Variants in RNF150 observed in about 807,000 individuals in gnomAD.
RNF150 encodes the protein ring finger protein 150.
A neutral mutation model predicts 39.3 loss-of-function variants in RNF150; 24 were observed. The ratio of observed to expected loss-of-function variants is 0.61; its 90% CI spans 0.44 to 0.86. RNF150 has a LOEUF of 0.86. Ranked by LOEUF, RNF150 falls within the 40% of genes least tolerant of loss-of-function variation. The pLI, the probability that RNF150 is intolerant of heterozygous loss-of-function variation, is 0.00. For synonymous variants in RNF150, 255 were observed against 227.3 expected, an observed-to-expected ratio of 1.12 and a Z score of -1.10; for missense variants, 502 against 587.8, an observed-to-expected ratio of 0.85 and a Z score of 1.51.
chr4:141,194,617 G>T (rs1286662643), intron 1 of RNF150, among the ~76,000 whole-genome samples: 1 of 152,106 alleles, frequency 6.6e-6, no homozygotes, highest in Non-Finnish European at 1.5e-5. Flanking sequence ...GTAGGGATGG[G>T]CTGTTATCCA....
intron 1 of RNF150, among the ~76,000 whole-genome samples, chr4:141,112,008 A>T (rs919277650): frequency 6.6e-6 from 1 of 152,194 alleles, no homozygotes; most frequent in African/African-American, 2.4e-5. Flanking sequence ...TTAGTGGCAT[A>T]AAAATTTGCA....
chr4:140,919,323 G>C (rs889072261), intron 5 of RNF150, among the ~76,000 whole-genome samples: 4 of 142,816 alleles, frequency 2.8e-5, no homozygotes, highest in African/African-American at 1.0e-4. Context: ...AAGCTGATAA[G>C]CAACTTCAGC....
intron 1 of RNF150, among the ~76,000 whole-genome samples, chr4:141,031,776 G>C (rs927566042): frequency 6.6e-6 from 1 of 152,190 alleles, no homozygotes; most frequent in African/African-American, 2.4e-5. Flanking sequence ...TGGAGAAAGG[G>C]AGAACCCTTG....
intron 6 of RNF150, among the ~76,000 whole-genome samples, chr4:140,885,837 C>T (rs967685574): frequency 6.6e-6 from 1 of 152,166 alleles, no homozygotes; most frequent in Non-Finnish European, 1.5e-5. Flanking sequence ...CTCCTGACCT[C>T]AAGGGATCCG....
intron 5 of RNF150, among the ~76,000 whole-genome samples, chr4:140,919,730 C>T (rs190045420): frequency 6.6e-5 from 10 of 151,494 alleles, no homozygotes; most frequent in African/African-American, 1.9e-4. Context: ...CATTGCCAAG[C>T]CAATCCTAAG....
At chr4:140,975,203 G>A (rs931821271) in intron 1 of RNF150, among the ~76,000 whole-genome samples, 1 of 152,166 alleles carries the variant, frequency 6.6e-6, no homozygotes, top group African/African-American at 2.4e-5. Context: ...AGCCCGCAAT[G>A]AGCCATGATT....
chr4:141,190,640 CT>C (rs770914316), intron 1 of RNF150, among the ~76,000 whole-genome samples: 4 of 152,168 alleles, frequency 2.6e-5, no homozygotes, highest in Non-Finnish European at 5.9e-5. Flanking sequence ...GAAGCTATGT[CT>C]AGGTTTCTGA....
chr4:141,078,120 A>T (rs549744293), intron 1 of RNF150, among the ~76,000 whole-genome samples: 1 of 152,338 alleles, frequency 6.6e-6, no homozygotes, highest in Admixed American at 6.5e-5. Context: ...TCATGCTCTA[A>T]AAATGATGGC....
intron 1 of RNF150, among the ~76,000 whole-genome samples, chr4:141,049,974 T>C (rs1356914008): frequency 6.6e-6 from 1 of 152,092 alleles, no homozygotes; most frequent in Non-Finnish European, 1.5e-5. Flanking sequence ...TATGTGTGTA[T>C]ATGCAATAGC....
intron 1 of RNF150, among the ~76,000 whole-genome samples, chr4:141,064,569 C>A (rs1451375203): frequency 6.6e-6 from 1 of 151,854 alleles, no homozygotes; most frequent in Non-Finnish European, 1.5e-5. Flanking sequence ...CACCTGTAAA[C>A]AGCCACTGCA....
intron 1 of RNF150, among the ~76,000 whole-genome samples, chr4:141,111,697 C>A (rs538919189): frequency 5.3e-5 from 8 of 152,262 alleles, no homozygotes; most frequent in African/African-American, 1.9e-4. Context: ...TATTTAAAAT[C>A]AAGGCTGTAG....
chr4:140,891,364 G>T (rs1017693403), intron 6 of RNF150, among the ~76,000 whole-genome samples: 7 of 152,168 alleles, frequency 4.6e-5, no homozygotes, highest in African/African-American at 1.4e-4. Flanking sequence ...TAGCTCTTCT[G>T]TTCTTGCTCC....
chr4:140,954,246 C>T (rs1268548611), intron 2 of RNF150, among the ~76,000 whole-genome samples: 1 of 152,120 alleles, frequency 6.6e-6, no homozygotes, highest in Non-Finnish European at 1.5e-5. Context: ...CAGAGTTGTG[C>T]TCTGTCACCC....
intron 1 of RNF150, among the ~76,000 whole-genome samples, chr4:141,010,421 T>C (rs1260730706): frequency 6.6e-6 from 1 of 152,198 alleles, no homozygotes; most frequent in Admixed American, 6.5e-5. Flanking sequence ...GTTTTATTTA[T>C]TTTGCAGTGG....
intron 1 of RNF150, among the ~76,000 whole-genome samples, chr4:141,124,569 G>C (rs867507055): frequency 1.3e-5 from 2 of 152,206 alleles, no homozygotes; most frequent in Non-Finnish European, 2.9e-5. Context: ...TTTCATCAGT[G>C]CATGGCTACA....
At chr4:141,078,942 C>T (rs1267926942) in intron 1 of RNF150, among the ~76,000 whole-genome samples, 2 of 148,064 alleles carry the variant, frequency 1.4e-5, no homozygotes, top group African/African-American at 2.6e-5. Context: ...TATACACACA[C>T]ATATATATAC....
intron 1 of RNF150, among the ~76,000 whole-genome samples, chr4:141,025,204 A>G (rs1735651380): frequency 6.6e-6 from 1 of 152,210 alleles, no homozygotes; most frequent in East Asian, 1.9e-4. Context: ...GTAAAAGGAA[A>G]TGCCAAAAAC....
At chr4:141,126,351 C>A (rs2111098072) in intron 1 of RNF150, among the ~76,000 whole-genome samples, 1 of 152,336 alleles carries the variant, frequency 6.6e-6, no homozygotes, top group Admixed American at 6.5e-5. Flanking sequence ...AGCAATTCCA[C>A]AATGTTCCCA....
At chr4:141,027,856 T>G (rs1735763187) in intron 1 of RNF150, among the ~76,000 whole-genome samples, 1 of 151,458 alleles carries the variant, frequency 6.6e-6, no homozygotes, top group Non-Finnish European at 1.5e-5. Flanking sequence ...TGATTTTCAA[T>G]CTTTCCTGCA....
Sources: allele counts gnomAD v4.1 joint callset (sites outside exome capture counted in the v4.1 genomes callset), GRCh38; gene constraint gnomAD v4.1.1; transcripts MANE v1.5; gene names NCBI Gene and HGNC (gene_info 2026-07-23, HGNC 2026-07-21).